Variants in TMEM223 observed in about 807,000 individuals in gnomAD.
The protein encoded by TMEM223 is transmembrane protein 223.
Under a neutral mutation model 14.1 loss-of-function variants are expected in TMEM223, and 14 were observed. That is an observed-to-expected ratio of 0.99 (90% CI 0.66 to 1.55). TMEM223 has a LOEUF of 1.55. Among genes scored for constraint, TMEM223 ranks in the 40% most tolerant of loss-of-function variants. The probability of loss-of-function intolerance (pLI) is 0.00; values close to 1 mark genes in which losing one functional copy is unlikely to be tolerated. For synonymous variants in TMEM223, 145 were observed against 120.5 expected (o/e 1.20, Z -1.33); for missense variants, 346 against 269.9 (o/e 1.28, Z -1.97).
chr11:62,782,070 C>G, intron 1 of TMEM223: 1 of 1,589,912 alleles, frequency 6.3e-7, no homozygotes, highest in Non-Finnish European at 8.6e-7. Flanking sequence ...GGGCTCCTGC[C>G]TGTCCCCTCA....
chr11:62,787,441 T>G (rs758719630), downstream of TMEM223: 2 of 1,568,878 alleles, frequency 1.3e-6, no homozygotes, highest in Non-Finnish European at 1.7e-6. Flanking sequence ...CATGGCGCTG[T>G]CCTGGCTGCA....
exon 3 of TMEM223, chr11:62,771,975 T>C (rs908009392): frequency 2.1e-5 from 8 of 389,258 alleles, no homozygotes; most frequent in African/African-American, 1.7e-4. Flanking sequence ...GATCCAGGCC[T>C]TGTTCCCCAT....
At chr11:62,782,085 C>CCTGTAAG in intron 1 of TMEM223, 3 of 1,591,790 alleles carry the variant, frequency 1.9e-6, no homozygotes, top group Non-Finnish European at 2.6e-6. Flanking sequence ...CCCTCATGTC[C>CCTGTAAG]CTGTAAGCTA....
At chr11:62,787,987 C>T (rs1422691642), downstream of TMEM223, 6 of 464,788 alleles carry the variant, frequency 1.3e-5, no homozygotes, top group South Asian at 7.7e-5. Context: ...AAAACGCTGA[C>T]GTAAAGGTAG....
downstream of TMEM223, chr11:62,771,206 A>C (rs1464952829): frequency 1.3e-5 from 2 of 152,266 alleles, no homozygotes; most frequent in African/African-American, 2.4e-5. Context: ...AAAACAATAC[A>C]CACCTACTCG....
At chr11:62,788,179 G>A (rs573136629), downstream of TMEM223, among the ~76,000 whole-genome samples, 1 of 152,276 alleles carries the variant, frequency 6.6e-6, no homozygotes, top group Non-Finnish European at 1.5e-5. Context: ...GAGGCAGGCG[G>A]ATCACTTGAG....
downstream of TMEM223, chr11:62,789,444 G>A: frequency 1.2e-6 from 2 of 1,613,588 alleles, no homozygotes; most frequent in Non-Finnish European, 1.7e-6. Flanking sequence ...GAGAGGGAGG[G>A]AAGCCTGGCT....
chr11:62,782,428 A>T, intron 1 of TMEM223: 2 of 1,348,504 alleles, frequency 1.5e-6, no homozygotes, highest in Non-Finnish European at 2.0e-6. Flanking sequence ...TTGAGAGTCT[A>T]TGAGAAGATG....
downstream of TMEM223, chr11:62,789,379 C>T (rs987295349): frequency 3.1e-6 from 5 of 1,613,842 alleles, no homozygotes; most frequent in East Asian, 2.2e-5. Flanking sequence ...TTCGATTTGG[C>T]ACCAGGTCTC....
rs111703736 is a variant in TMEM223 at position 62,773,855 on chromosome 11, C to T, written c.385+740G>A. Among the ~76,000 whole-genome samples the T allele has an allele frequency of 4.6e-4, 70 of 152,228 alleles. 1 individual carries two copies. The highest frequency in any genetic ancestry group is 1.6e-3 in the African/African-American group (65 of 41,546). ...AACTGAAATCTGAAGGAGTGAGTAGCAGTTCACTAGACAAAGGGATTGGGG... is the reference window on the plus strand; with the variant it reads ...AACTGAAATCTGAAGGAGTGAGTAGTAGTTCACTAGACAAAGGGATTGGGG... On this transcript the variant is annotated intron_variant, in intron 2 of 2. Coordinates refer to the TMEM223 transcript ENST00000528367.
chr11:62,785,981 T>G (rs1260560016), downstream of TMEM223: 2 of 285,854 alleles, frequency 7.0e-6, no homozygotes, highest in Non-Finnish European at 1.3e-5. Flanking sequence ...AAACTAAATT[T>G]TGGAGTTGTC....
intron 1 of TMEM223, chr11:62,781,767 A>G (rs1262296897): frequency 3.6e-6 from 3 of 829,480 alleles, no homozygotes; most frequent in Non-Finnish European, 6.0e-6. Context: ...GAATTGCTAG[A>G]TCAAAGAATA....
chr11:62,781,876 C>G lies in TMEM223; in HGVS notation c.315-7211G>C. 3.7e-6 allele frequency: 6 copies of G among 1,613,076 alleles called. 1 individual carries two copies. Among genetic ancestry groups the G allele is most frequent in the Non-Finnish European group, 4.2e-6 (5 of 1,179,090 alleles). The stretch of plus-strand genomic sequence containing the variant: ...AATTTTCTGGTGGATCCAATGCAGT[C>G]TGGGCCCTTCCTTTTAGGTTGCACT... On this transcript the variant is annotated intron_variant, in intron 1 of 2. Coordinates refer to the TMEM223 transcript ENST00000528367.
chr11:62,789,990 C>T lies in TMEM223; in HGVS notation c.*633G>A. 2 of 1,614,100 alleles carry T rather than the reference C, an allele frequency of 1.2e-6. No homozygotes were observed. The highest frequency in any genetic ancestry group is 1.7e-6 in the Non-Finnish European group (2 of 1,180,008). On this transcript the variant is annotated 3_prime_UTR_variant, in exon 2 of 2. Transcript: ENST00000307366. ...CATACCGGCCTCTGGAGAGGGGTGA[C>T]CCTGAGTGGAGCTCTGAGACAGATG...
downstream of TMEM223, chr11:62,786,324 A>G: frequency 6.2e-7 from 1 of 1,614,156 alleles, no homozygotes; most frequent in Non-Finnish European, 8.5e-7. Flanking sequence ...GCTGTGCTGG[A>G]TGATTATTCA....
At chr11:62,787,688 C>A, downstream of TMEM223, 1 of 963,312 alleles carries the variant, frequency 1.0e-6, no homozygotes, top group Non-Finnish European at 1.5e-6. Context: ...CGAGGCTAAT[C>A]GCGCTTTGTG....
chr11:62,788,995 T>C (rs370472730), downstream of TMEM223: 3 of 1,595,768 alleles, frequency 1.9e-6, no homozygotes, highest in Non-Finnish European at 2.6e-6. Flanking sequence ...TAACCTGAAA[T>C]CTAGGACTCA....
At chr11:62,780,780 C>T (rs1014020846) in intron 1 of TMEM223, among the ~76,000 whole-genome samples, 1 of 145,172 alleles carries the variant, frequency 6.9e-6, no homozygotes, top group Non-Finnish European at 1.5e-5. Context: ...ACTAAAAATA[C>T]CAGAAAATTA....
At chr11:62,775,062 CAAAAAAA>C (rs35218634) in intron 1 of TMEM223, among the ~76,000 whole-genome samples, 2 of 62,808 alleles carry the variant, frequency 3.2e-5, no homozygotes, top group Admixed American at 3.8e-4. Flanking sequence ...GACTCTGTCT[CAAAAAAA>C]AAAAAAAAAA....
Sources: gnomAD v4.1 joint callset for allele counts (sites outside exome capture counted in the v4.1 genomes callset) on GRCh38, gnomAD v4.1.1 for gene constraint, MANE v1.5 for transcripts, NCBI Gene and HGNC (gene_info 2026-07-23, HGNC 2026-07-21) for gene names.